Variants in ADCY3 observed in about 807,000 individuals in gnomAD.
The protein encoded by ADCY3 is adenylate cyclase 3, also known as adenylate cyclase type 3.
A neutral mutation model predicts 119.4 loss-of-function variants in ADCY3; 70 were observed. The observed-to-expected ratio is 0.59, with a 90% confidence interval of 0.48 to 0.72. The LOEUF is 0.72. Among genes scored for constraint, ADCY3 ranks in the 30% least tolerant of loss-of-function variants. The pLI, the probability that ADCY3 is intolerant of heterozygous loss-of-function variation, is 0.00. For missense variants in ADCY3, 1,238 were observed against 1,541.6 expected (o/e 0.80, Z 3.30); for synonymous variants, 672 against 621.4 (o/e 1.08, Z -1.21).
chr2:24,861,723 A>G (rs1673680488), intron 3 of ADCY3, among the ~76,000 whole-genome samples: 1 of 152,152 alleles, frequency 6.6e-6, no homozygotes, highest in Admixed American at 6.5e-5. Context: ...CGTCAGCCCC[A>G]ATGCCTTGGG....
chr2:24,838,497 G>A lies in ADCY3; in HGVS notation c.1481C>T (p.Ala494Val), dbSNP rs1360570848. 9 of 1,613,910 alleles carry A rather than the reference G, an allele frequency of 5.6e-6. No individual in the cohort carries two copies. The highest frequency in any genetic ancestry group is 6.8e-6 in the Non-Finnish European group (8 of 1,180,036). ...TGTTTTCTTCACCTCTGGCTTGGAG[G>A]CAATGATGAGGTAGGTTTCAATACC... ...EKGIETYLIIASKPEVKKTAT... is the reference protein window; with the variant it reads ...EKGIETYLIIVSKPEVKKTAT... The change falls in exon 8 of 22, where the codon GCC becomes GTC. Residue 494 changes from alanine to valine, a missense_variant. Around this residue, in one of 7 missense-constraint regions of ADCY3, gnomAD observed 283 missense variants for 437.2 expected, o/e 0.65. Coordinates refer to ENST00000679454, the MANE Select transcript of ADCY3 (RefSeq NM_004036.5).
In ADCY3 at chr2:24,831,586, C is replaced by G. The variant is rs77905497; in HGVS notation, c.2055+76G>C. 607 of 1,156,438 alleles carry G rather than the reference C, an allele frequency of 5.2e-4. 2 individuals are homozygous for G. The African/African-American group carries it at 7.9e-3, about 15-fold the overall frequency. 71.6% of individuals were successfully genotyped at this position (1,156,438 alleles called of 1,614,324 possible). A position where few individuals can be genotyped will look rare whatever the true frequency, so the allele number is the denominator to read the frequency against. On this transcript the variant is annotated intron_variant, in intron 12 of 21. Transcript: ENST00000679454. Reference sequence around the variant, plus strand: ...GTCAGATTTGACAGAAAGAATAACTCCATCACTGCCCAGTTTTACAGGGAG... The same window carrying G: ...GTCAGATTTGACAGAAAGAATAACTGCATCACTGCCCAGTTTTACAGGGAG...
chr2:24,822,388 CTGG>C, intron 19 of ADCY3, 120 bp downstream of exon 19: 1 of 1,328,460 alleles, frequency 7.5e-7, no homozygotes, highest in South Asian at 1.4e-5. Context: ...TTACGTGGTG[CTGG>C]TGGTGTGTGT....
At chr2:24,881,700 A>T (rs1676420296) in intron 2 of ADCY3, among the ~76,000 whole-genome samples, 1 of 152,266 alleles carries the variant, frequency 6.6e-6, no homozygotes, top group South Asian at 2.1e-4. Flanking sequence ...CTGAAAGAAC[A>T]GTTCATTCTC....
rs1321442509 is a variant in ADCY3, at chr2:24,838,675, C to G, written c.1356-53G>C. 11 of 1,606,632 alleles carry G rather than the reference C, an allele frequency of 6.8e-6. No individual in the cohort carries two copies. In the African/African-American group the frequency reaches 1.2e-4, roughly 18 times the overall value. ...CGTCGGCCAGAGGTGGCCCTCACACCCCCAGGGGACAGTCCACGGACCACG... is the reference window on the plus strand; with the variant it reads ...CGTCGGCCAGAGGTGGCCCTCACACGCCCAGGGGACAGTCCACGGACCACG... On this transcript the variant is annotated intron_variant, in intron 7 of 21. Transcript: ENST00000679454.
At chr2:24,822,654 A>C (rs1667951461) in intron 18 of ADCY3, 24 bp from the exon 19 acceptor site, 1 of 1,612,446 alleles carries the variant, frequency 6.2e-7, no homozygotes, top group East Asian at 2.2e-5. Context: ...TCAGGAAAGA[A>C]TTGTCAGCAG....
chr2:24,902,248 T>C (rs961783178), intron 2 of ADCY3, among the ~76,000 whole-genome samples: 5 of 151,860 alleles, frequency 3.3e-5, no homozygotes, highest in African/African-American at 1.2e-4. Context: ...GCCTGGCTAA[T>C]TTTTTAATTC....
chr2:24,894,138 A>G (rs1677994418), intron 2 of ADCY3, among the ~76,000 whole-genome samples: 1 of 152,204 alleles, frequency 6.6e-6, no homozygotes, highest in Non-Finnish European at 1.5e-5. Flanking sequence ...TGGGACTTAG[A>G]GTAAACATTA....
At chr2:24,915,459 A>G (rs183766658) in intron 2 of ADCY3, among the ~76,000 whole-genome samples, 200 of 152,066 alleles carry the variant, frequency 1.3e-3, no homozygotes, top group Non-Finnish European at 2.6e-3. Context: ...GATGAATGAC[A>G]CCTCACTCCA....
chr2:24,834,500 A>G lies in ADCY3; in HGVS notation c.1952T>C (p.Ile651Thr), dbSNP rs1670025187. The part of the protein sequence containing the change: ...VVLLCTALVE[I>T]LIDPWLMTNY... The stretch of plus-strand genomic sequence containing the variant: ...CCTCCCTCACCAGGGGTCGATGAGT[A>G]TCTCGACCAGGGCCGTGCAGAGCAG... Residue 651 changes from isoleucine to threonine, a missense_variant, in exon 11 of 22, where the codon ATA (isoleucine) becomes ACA (threonine). Physicochemically the swap from Ile to Thr is moderately conservative, Grantham distance 89. Transcript: ENST00000679454. The surrounding 1 kb of genome is among the most constrained non-coding windows in gnomAD (Gnocchi z 4.2). 1.2e-6 allele frequency: 2 copies of G among 1,607,852 alleles called. No individual in the cohort carries two copies. Among genetic ancestry groups the G allele is most frequent in the Non-Finnish European group, 1.7e-6 (2 of 1,176,986 alleles).
rs549923205 is a variant in ADCY3 at position 24,836,952 on chromosome 2, A to T, written c.1627T>A (p.Ser543Thr). Residue 543 changes from serine to threonine, a missense_variant, in exon 9 of 22, where the codon TCC becomes ACC. By Grantham distance (58) the Ser-to-Thr change is moderately conservative. Around this residue, in one of 7 missense-constraint regions of ADCY3, gnomAD observed 499 missense variants for 571.0 expected, o/e 0.87. Transcript: ENST00000679454. ...TGCTCCTCGGGCTTCTCCGACGTGG[A>T]CCCACTGCTGTGGGCACTCCCGTTG... ...EPNGSAHSSG[S>T]TSEKPEEQDA... 5.0e-6 allele frequency: 8 copies of T among 1,613,704 alleles called. No homozygotes were observed. In the African/African-American group the frequency reaches 1.1e-4, roughly 22 times the overall value.
intron 3 of ADCY3, among the ~76,000 whole-genome samples, chr2:24,851,090 C>T (rs557100706): frequency 1.3e-5 from 2 of 152,288 alleles, no homozygotes; most frequent in East Asian, 1.9e-4. Flanking sequence ...CTGTTGCCTC[C>T]AGCTGTGATC....
chr2:24,882,062 G>C (rs17800401), intron 2 of ADCY3, among the ~76,000 whole-genome samples: 9,316 of 152,308 alleles, frequency 0.061, 382 homozygotes, highest in East Asian at 0.093. Flanking sequence ...AGAGAATAAT[G>C]AACTCTGAAG....
At chr2:24,825,082 C>T (rs976544030) in intron 16 of ADCY3, among the ~76,000 whole-genome samples, 1 of 152,086 alleles carries the variant, frequency 6.6e-6, no homozygotes, top group Non-Finnish European at 1.5e-5. Flanking sequence ...TGTAGGGGGC[C>T]TCTTGGGACC....
rs57980321 is a variant in ADCY3 at position 24,902,034 on chromosome 2, C to CTGTGTG, written c.675+16273_675+16278dup. Among the ~76,000 whole-genome samples, 699 of 122,318 alleles carry CTGTGTG rather than the reference C, an allele frequency of 5.7e-3. 6 individuals carry two copies. The highest frequency in any genetic ancestry group is 0.014 in the African/African-American group (425 of 31,154). 80.2% of individuals were successfully genotyped at this position (122,318 alleles called of 152,430 possible). A position where few individuals can be genotyped will look rare whatever the true frequency, so the allele number is the denominator to read the frequency against. ...TTAGTAGATGGCACACATTTTAACT[C>CTGTGTG]TGTGTGTGTGTGTGTGTGTGTGTGT... On this transcript the variant is annotated intron_variant, in intron 2 of 21. Transcript: ENST00000679454.
chr2:24,821,124 G>C, intron 20 of ADCY3: 1 of 469,992 alleles, frequency 2.1e-6, no homozygotes, highest in Non-Finnish European at 3.8e-6. Context: ...AGTCTCCTGG[G>C]ACCTCACTCA....
At position 24,918,955 on chromosome 2, in the gene ADCY3, T is replaced by A; in HGVS notation, c.33A>T (p.Glu11Asp). The A allele has an allele frequency of 6.2e-7, 1 of 1,602,928 alleles. No individual in the cohort carries two copies. Among genetic ancestry groups the A allele is most frequent in the South Asian group, 1.1e-5 (1 of 90,306 alleles). ...ACTCGGCTGAGTACTCGGCCGAGTA[T>A]TCGGGCTCGGAGAAGCCCTGGTTCC... Reference protein sequence around the residue: MPRNQGFSEPEYSAEYSAEYS... With the variant: MPRNQGFSEPDYSAEYSAEYS... Residue 11 changes from glutamate (E) to aspartate (D), a missense_variant, in exon 2 of 22, where the codon GAA (glutamate) becomes GAT (aspartate). By Grantham distance (45) the Glu-to-Asp change is conservative. This residue lies in a region of ADCY3 where 227 missense variants were observed against 249.3 expected (regional missense o/e 0.91). Coordinates refer to ENST00000679454, the MANE Select transcript of ADCY3 (RefSeq NM_004036.5). The surrounding 1 kb of genome is among the most constrained non-coding windows in gnomAD (Gnocchi z 5.4).
At chr2:24,890,237 T>TA (rs1346895109) in intron 2 of ADCY3, among the ~76,000 whole-genome samples, 2 of 152,240 alleles carry the variant, frequency 1.3e-5, no homozygotes, top group Non-Finnish European at 2.9e-5. Flanking sequence ...AATATTCTGT[T>TA]AAAGATTTTT....
intron 2 of ADCY3, among the ~76,000 whole-genome samples, chr2:24,903,478 A>C (rs1679146865): frequency 1.3e-5 from 2 of 149,994 alleles, no homozygotes; most frequent in Non-Finnish European, 3.0e-5. Context: ...TCCCGGGGGG[A>C]GCCTGGGCGC....
Sources: gnomAD v4.1 joint callset for allele counts (sites outside exome capture counted in the v4.1 genomes callset) on GRCh38, gnomAD v4.1.1 for gene constraint, gnomAD v4.1.1 regional missense constraint, Gnocchi (gnomAD v3.1) non-coding constraint, MANE v1.5 for transcripts, NCBI Gene and HGNC (gene_info 2026-07-23, HGNC 2026-07-21) for gene names.